RABGAP1L: variants seen among roughly 807,000 people sequenced by gnomAD.
The protein encoded by RABGAP1L is RAB GTPase activating protein 1 like, also known as rab GTPase-activating protein 1-like.
Under a neutral mutation model 137.7 loss-of-function variants are expected in RABGAP1L, and 63 were observed. The ratio of observed to expected loss-of-function variants is 0.46; its 90% CI spans 0.37 to 0.56. The LOEUF (loss-of-function observed/expected upper bound fraction) is 0.56, where lower values mean the gene tolerates loss of function less well. RABGAP1L is among the 20% of genes least tolerant of loss of function. The pLI is 0.00. For synonymous variants in RABGAP1L, 431 were observed against 433.7 expected, an observed-to-expected ratio of 0.99 and a Z score of 0.08; for missense variants, 1,095 against 1,244.0, an observed-to-expected ratio of 0.88 and a Z score of 1.80.
At chr1:174,678,421 G>C (rs114289183) in intron 14 of RABGAP1L, among the ~76,000 whole-genome samples, 138 of 151,336 alleles carry the variant, frequency 9.1e-4, no homozygotes, top group Non-Finnish European at 1.6e-3. Context: ...AGAAGTTACA[G>C]ACCAGTATTC....
chr1:174,238,239 A>C (rs1671396469), intron 4 of RABGAP1L, among the ~76,000 whole-genome samples: 1 of 152,008 alleles, frequency 6.6e-6, no homozygotes, highest in Non-Finnish European at 1.5e-5. Flanking sequence ...GCTCAGAGTA[A>C]TTTGATCGTC....
chr1:174,287,383 C>A (rs181487200), intron 10 of RABGAP1L, among the ~76,000 whole-genome samples: 2 of 152,306 alleles, frequency 1.3e-5, no homozygotes, highest in Admixed American at 1.3e-4. Flanking sequence ...CATGGAATAT[C>A]TTTTTCCATC....
At chr1:174,498,642 G>A (rs562035949) in intron 13 of RABGAP1L, among the ~76,000 whole-genome samples, 2 of 150,670 alleles carry the variant, frequency 1.3e-5, no homozygotes, top group Admixed American at 6.6e-5. Context: ...GATTACAGGC[G>A]CATGCCACCA....
chr1:174,378,763 T>G (rs950706198), intron 12 of RABGAP1L, among the ~76,000 whole-genome samples: 3 of 145,904 alleles, frequency 2.1e-5, no homozygotes, highest in African/African-American at 7.5e-5. Flanking sequence ...GGTAGTTTCT[T>G]TTGCTGTGCA....
intron 19 of RABGAP1L, among the ~76,000 whole-genome samples, chr1:174,868,143 G>C (rs1651604779): frequency 6.6e-6 from 1 of 151,442 alleles, no homozygotes. Flanking sequence ...ATTTTTATTA[G>C]AGATGAGGTT....
intron 14 of RABGAP1L, among the ~76,000 whole-genome samples, chr1:174,670,632 A>G (rs1677106183): frequency 6.6e-6 from 1 of 152,156 alleles, no homozygotes; most frequent in African/African-American, 2.4e-5. Context: ...GATATCACAA[A>G]TAAGTGAGAA....
At chr1:174,495,463 C>G (rs1660656515) in intron 13 of RABGAP1L, among the ~76,000 whole-genome samples, 5 of 152,122 alleles carry the variant, frequency 3.3e-5, no homozygotes, top group Admixed American at 2.6e-4. Flanking sequence ...AGCTCTGAGA[C>G]TTACATTTTA....
intron 13 of RABGAP1L, among the ~76,000 whole-genome samples, chr1:174,521,175 G>C (rs1341778108): frequency 1.3e-5 from 2 of 152,134 alleles, no homozygotes; most frequent in African/African-American, 4.8e-5. Flanking sequence ...AAATTAATTT[G>C]ATTCAATCAT....
intron 17 of RABGAP1L, among the ~76,000 whole-genome samples, chr1:174,730,182 C>T (rs1324846991): frequency 2.0e-5 from 3 of 152,162 alleles, no homozygotes; most frequent in Non-Finnish European, 2.9e-5. Context: ...GGCCATTATC[C>T]TAAGTGAATT....
intron 18 of RABGAP1L, among the ~76,000 whole-genome samples, chr1:174,806,730 T>C (rs1237697995): frequency 1.3e-5 from 2 of 152,248 alleles, no homozygotes; most frequent in African/African-American, 4.8e-5. Context: ...TAAACAGCAC[T>C]ACTACTTGTA....
At chr1:174,665,035 G>A (rs1676679246) in intron 14 of RABGAP1L, among the ~76,000 whole-genome samples, 1 of 152,024 alleles carries the variant, frequency 6.6e-6, no homozygotes, top group East Asian at 1.9e-4. Flanking sequence ...CTGCCCAGCC[G>A]ACGATGGTTA....
chr1:174,658,479 C>T (rs1189388999), intron 14 of RABGAP1L, among the ~76,000 whole-genome samples: 2 of 152,080 alleles, frequency 1.3e-5, no homozygotes, highest in African/African-American at 4.8e-5. Context: ...TCCCATTATC[C>T]TTAATATATT....
In RABGAP1L at chr1:174,991,600, ATG is replaced by A. The variant is rs1276842784; in HGVS notation, c.*1602_*1603del. 3 of 152,308 alleles carry A rather than the reference ATG, an allele frequency of 2.0e-5. No individual in the cohort carries two copies. The highest frequency in any genetic ancestry group is 4.8e-5 in the African/African-American group (2 of 41,560). The allele number at this position is 152,308 out of a possible 1,614,324, so 9.4% of individuals were successfully genotyped here. The stretch of plus-strand genomic sequence containing the variant: ...ATATTCTCTACAGCCCATAAAACTG[ATG>A]TGATTGTTATGTTATACTCATCAGA... On this transcript the variant is annotated 3_prime_UTR_variant, in exon 26 of 26. Coordinates refer to ENST00000681986, the MANE Select transcript of RABGAP1L (RefSeq NM_001366446.1).
In RABGAP1L at chr1:174,312,498, T is replaced by G. The variant is rs142159237; in HGVS notation, c.1465+7371T>G. Reference sequence around the variant, plus strand: ...AGCTGTTCCTTATATTTTCTGGTTATTAATCCCTTGTCAGATAGGTAGTTT... The same window carrying G: ...AGCTGTTCCTTATATTTTCTGGTTAGTAATCCCTTGTCAGATAGGTAGTTT... On this transcript the variant is annotated intron_variant, in intron 11 of 25. Transcript: ENST00000681986. 5.0e-3 allele frequency among the ~76,000 whole-genome samples: 761 copies of G among 152,336 alleles called. 6 individuals are homozygous for G. Among genetic ancestry groups the G allele is most frequent in the African/African-American group, 0.016 (658 of 41,584 alleles).
chr1:174,611,718 C>G (rs1236636045), intron 13 of RABGAP1L, among the ~76,000 whole-genome samples: 2 of 151,682 alleles, frequency 1.3e-5, no homozygotes, highest in African/African-American at 4.8e-5. Flanking sequence ...TGTTTGTATC[C>G]TCTTTTATTT....
chr1:174,724,782 A>G (rs992072402), intron 17 of RABGAP1L, among the ~76,000 whole-genome samples: 1 of 152,216 alleles, frequency 6.6e-6, no homozygotes, highest in African/African-American at 2.4e-5. Context: ...TATGAAGGGA[A>G]ACTACAAGTT....
At chr1:174,443,948 A>T (rs113603325) in intron 13 of RABGAP1L, among the ~76,000 whole-genome samples, 7 of 152,106 alleles carry the variant, frequency 4.6e-5, no homozygotes, top group African/African-American at 1.7e-4. Context: ...TCTTTTCAAC[A>T]GTGTATTTTC....
chr1:174,241,689 AG>A, intron 5 of RABGAP1L, 32 bp downstream of exon 5: 1 of 1,513,236 alleles, frequency 6.6e-7, no homozygotes, highest in African/African-American at 1.4e-5. Flanking sequence ...AATTTGCTAT[AG>A]AGATGAATTA....
At chr1:174,580,528 A>C (rs1047131057) in intron 13 of RABGAP1L, among the ~76,000 whole-genome samples, 1 of 152,200 alleles carries the variant, frequency 6.6e-6, no homozygotes. Context: ...AACTATCACA[A>C]GGACAAAATC....
Sources: gnomAD v4.1 joint callset for allele counts (sites outside exome capture counted in the v4.1 genomes callset) on GRCh38, gnomAD v4.1.1 for gene constraint, MANE v1.5 for transcripts, NCBI Gene and HGNC (gene_info 2026-07-23, HGNC 2026-07-21) for gene names.